Variants in CD2AP observed in about 807,000 individuals in gnomAD.
The protein encoded by CD2AP is CD2-associated protein.
In CD2AP, 46 loss-of-function variants were observed where a neutral mutation model predicts 85.1. That is an observed-to-expected ratio of 0.54 (90% CI 0.43 to 0.69). CD2AP has a LOEUF of 0.69. CD2AP is among the 30% of genes least tolerant of loss of function. CD2AP has a pLI of 0.00. For synonymous variants in CD2AP, 255 were observed against 252.9 expected (o/e 1.01, Z -0.08); for missense variants, 769 against 729.5 (o/e 1.05, Z -0.62).
At chr6:47,503,166 T>G in intron 1 of CD2AP, 114 bp from the exon 2 acceptor site, 2 of 1,001,454 alleles carry the variant, frequency 2.0e-6, no homozygotes, top group Non-Finnish European at 3.0e-6. Flanking sequence ...GCTGATGTCT[T>G]TGTGGTATTA....
rs1769849803 is a variant in CD2AP at position 47,624,509 on chromosome 6, G to A, written c.*282G>A. 1.1e-5 allele frequency: 4 copies of A among 356,170 alleles called. No individual in the cohort carries two copies. The highest frequency in any genetic ancestry group is 1.5e-5 in the Non-Finnish European group (3 of 197,210). 22.1% of individuals were successfully genotyped at this position (356,170 alleles called of 1,614,324 possible). A position where few individuals can be genotyped will look rare whatever the true frequency, so the allele number is the denominator to read the frequency against. ...TACTACTGAATATAAATAAGAATGT[G>A]CACAGTAGTTTTTTTATTGAAACTT... On this transcript the variant is annotated 3_prime_UTR_variant, in exon 18 of 18. Transcript: ENST00000359314.
intron 3 of CD2AP, among the ~76,000 whole-genome samples, chr6:47,540,849 C>T (rs1196588777): frequency 1.3e-5 from 2 of 152,170 alleles, no homozygotes; most frequent in Admixed American, 1.3e-4. Context: ...ATAGACATTT[C>T]TTTTCAATAA....
intron 11 of CD2AP, among the ~76,000 whole-genome samples, chr6:47,593,291 G>A (rs989866490): frequency 6.6e-6 from 1 of 152,074 alleles, no homozygotes; most frequent in Non-Finnish European, 1.5e-5. Context: ...AGGACATTAA[G>A]AAAGTAAAAA....
chr6:47,514,814 G>A (rs1226333117), intron 2 of CD2AP, among the ~76,000 whole-genome samples: 1 of 152,142 alleles, frequency 6.6e-6, no homozygotes, highest in Non-Finnish European at 1.5e-5. Context: ...CCTTTTGGGA[G>A]GCCAAGGCAG....
chr6:47,553,951 T>C (rs1767601896), intron 4 of CD2AP, among the ~76,000 whole-genome samples: 1 of 152,076 alleles, frequency 6.6e-6, no homozygotes, highest in South Asian at 2.1e-4. Context: ...TAGGAAGTTA[T>C]GTTTATTTTC....
At chr6:47,573,727 G>GA (rs1268465572) in intron 5 of CD2AP, among the ~76,000 whole-genome samples, 6 of 151,980 alleles carry the variant, frequency 3.9e-5, no homozygotes. Context: ...CTGACCTCGT[G>GA]ATCTGCCAGT....
intron 16 of CD2AP, 39 bp downstream of exon 16, chr6:47,609,343 C>T: frequency 6.8e-7 from 1 of 1,479,268 alleles, no homozygotes; most frequent in South Asian, 1.1e-5. Context: ...TACTACTTAA[C>T]CCATGCATAA....
At chr6:47,592,161 G>T (rs1768818335) in intron 11 of CD2AP, among the ~76,000 whole-genome samples, 1 of 151,956 alleles carries the variant, frequency 6.6e-6, no homozygotes, top group South Asian at 2.1e-4. Context: ...CATAATATCT[G>T]TACCTTATGT....
intron 16 of CD2AP, among the ~76,000 whole-genome samples, chr6:47,611,133 T>C (rs1023380998): frequency 3.3e-4 from 50 of 149,998 alleles, no homozygotes; most frequent in Middle Eastern, 3.4e-3. Context: ...ACTATTGATA[T>C]ATTAATAGAG....
intron 2 of CD2AP, among the ~76,000 whole-genome samples, chr6:47,525,103 G>A (rs1310863886): frequency 6.6e-6 from 1 of 151,770 alleles, no homozygotes; most frequent in Admixed American, 6.6e-5. Flanking sequence ...TCAGGAGTAT[G>A]GTAGGCCATT....
chr6:47,552,257 GCA>G (rs1767547708), intron 4 of CD2AP, among the ~76,000 whole-genome samples: 1 of 152,078 alleles, frequency 6.6e-6, no homozygotes, highest in Non-Finnish European at 1.5e-5. Context: ...CCTGAGCAGT[GCA>G]CACTGTACCT....
rs1057206005 is a variant in CD2AP at position 47,625,408 on chromosome 6, C to G, written c.*1181C>G. Reference sequence around the variant, plus strand: ...TATAACATTACAGCTTATTTAAAACCAAATATAGTTGAACATATTTAAAAT... The same window carrying G: ...TATAACATTACAGCTTATTTAAAACGAAATATAGTTGAACATATTTAAAAT... On this transcript the variant is annotated 3_prime_UTR_variant, in exon 18 of 18. Transcript: ENST00000359314. The G allele has an allele frequency of 7.9e-5, 12 of 151,718 alleles. No homozygotes were observed. The highest frequency in any genetic ancestry group is 2.4e-4 in the African/African-American group (10 of 41,380). 9.4% of individuals were successfully genotyped at this position (151,718 alleles called of 1,614,324 possible). A position where few individuals can be genotyped will look rare whatever the true frequency, so the allele number is the denominator to read the frequency against.
At chr6:47,553,257 T>C (rs1004327136) in intron 4 of CD2AP, among the ~76,000 whole-genome samples, 1 of 152,200 alleles carries the variant, frequency 6.6e-6, no homozygotes, top group Non-Finnish European at 1.5e-5. Flanking sequence ...ATTAAAAATA[T>C]TTTAAACAAG....
At chr6:47,553,645 C>G (rs1419306212) in intron 4 of CD2AP, among the ~76,000 whole-genome samples, 1 of 151,244 alleles carries the variant, frequency 6.6e-6, no homozygotes, top group Non-Finnish European at 1.5e-5. Context: ...GGATTATAGG[C>G]AAGAGCCAGT....
At chr6:47,583,513 A>G (rs917022652) in intron 11 of CD2AP, among the ~76,000 whole-genome samples, 4 of 152,188 alleles carry the variant, frequency 2.6e-5, no homozygotes, top group Non-Finnish European at 5.9e-5. Context: ...AGTTAGAATC[A>G]TACAGCACGT....
chr6:47,596,630 A>G (rs763786231), intron 12 of CD2AP, among the ~76,000 whole-genome samples: 4 of 152,054 alleles, frequency 2.6e-5, no homozygotes, highest in African/African-American at 4.8e-5. Flanking sequence ...TTCTTTGTGT[A>G]TATATGCCAC....
intron 4 of CD2AP, among the ~76,000 whole-genome samples, chr6:47,550,188 C>G (rs1767474891): frequency 6.6e-6 from 1 of 151,920 alleles, no homozygotes. Flanking sequence ...AGCAAATGCA[C>G]TAAAAACAGA....
chr6:47,535,023 C>T (rs1766992083), intron 3 of CD2AP, among the ~76,000 whole-genome samples: 3 of 152,142 alleles, frequency 2.0e-5, no homozygotes, highest in Non-Finnish European at 2.9e-5. Context: ...TCTTGAACTC[C>T]CGGGCTCAAG....
intron 10 of CD2AP, 89 bp from the exon 11 acceptor site, chr6:47,581,914 T>G: frequency 1.2e-6 from 1 of 851,900 alleles, no homozygotes; most frequent in African/African-American, 1.7e-5. Context: ...TGATGTTATT[T>G]TTCAACTCAT....
Sources: gnomAD v4.1 joint callset for allele counts (sites outside exome capture counted in the v4.1 genomes callset) on GRCh38, gnomAD v4.1.1 for gene constraint, MANE v1.5 for transcripts, NCBI Gene and HGNC (gene_info 2026-07-23, HGNC 2026-07-21) for gene names.